ZHX2: variants seen among roughly 807,000 people sequenced by gnomAD.
The protein encoded by ZHX2 is zinc fingers and homeoboxes protein 2.
ZHX2 carries 6 observed loss-of-function variants against 21.9 expected under a neutral mutation model. The observed-to-expected ratio is 0.27, with a 90% CI of 0.15 to 0.54. ZHX2 has a LOEUF of 0.54. ZHX2 is among the 20% of genes least tolerant of loss of function. The pLI is 0.95. For synonymous variants in ZHX2, 434 were observed against 437.1 expected (o/e 0.99, Z 0.09); for missense variants, 908 against 1,090.7 (o/e 0.83, Z 2.36).
At chr8:122,940,389 T>A (rs1216928499) in intron 2 of ZHX2, among the ~76,000 whole-genome samples, 1 of 152,230 alleles carries the variant, frequency 6.6e-6, no homozygotes, top group African/African-American at 2.4e-5. Context: ...CCGGTCTACC[T>A]TCTCAGGCAT....
chr8:122,884,332 A>C (rs2129810474), intron 2 of ZHX2, among the ~76,000 whole-genome samples: 1 of 152,316 alleles, frequency 6.6e-6, no homozygotes, highest in African/African-American at 2.4e-5. Context: ...CTCACTGATA[A>C]AGCTGGGCAC....
intron 2 of ZHX2, among the ~76,000 whole-genome samples, chr8:122,925,271 G>A (rs1820822645): frequency 6.6e-6 from 1 of 152,208 alleles, no homozygotes; most frequent in South Asian, 2.1e-4. Flanking sequence ...GTAGTGTCTT[G>A]TGCAAATTGC....
intron 2 of ZHX2, among the ~76,000 whole-genome samples, chr8:122,922,916 A>C (rs1820772205): frequency 1.3e-5 from 2 of 152,214 alleles, no homozygotes; most frequent in Admixed American, 1.3e-4. Flanking sequence ...CACATTTTCC[A>C]TCTGCCCGGT....
chr8:122,843,400 T>G (rs528590330), intron 1 of ZHX2, among the ~76,000 whole-genome samples: 94 of 152,308 alleles, frequency 6.2e-4, no homozygotes, highest in African/African-American at 2.2e-3. Context: ...GGCTCTATTA[T>G]GGGAATTTCA....
At chr8:122,895,548 CT>C (rs1286310954) in intron 2 of ZHX2, among the ~76,000 whole-genome samples, 2 of 152,144 alleles carry the variant, frequency 1.3e-5, no homozygotes, top group African/African-American at 4.8e-5. Context: ...GCACTTTTTT[CT>C]GCTCTTTTTG....
intron 1 of ZHX2, among the ~76,000 whole-genome samples, chr8:122,787,524 C>A (rs116827648): frequency 6.6e-6 from 1 of 152,136 alleles, no homozygotes; most frequent in Non-Finnish European, 1.5e-5. Context: ...GATGGAATAG[C>A]GGGAAGCCCA....
chr8:122,963,830 A>G (rs1586429918), intron 3 of ZHX2, among the ~76,000 whole-genome samples: 1 of 149,452 alleles, frequency 6.7e-6, no homozygotes, highest in Non-Finnish European at 1.5e-5. Context: ...CCTTGTAGAG[A>G]TCTTTCACTT....
chr8:122,888,033 C>T (rs183830118), intron 2 of ZHX2, among the ~76,000 whole-genome samples: 30 of 152,176 alleles, frequency 2.0e-4, no homozygotes, highest in African/African-American at 6.7e-4. Flanking sequence ...CAGGTTGTTC[C>T]GAGGGTTCCA....
chr8:122,870,759 G>A (rs1185946248), intron 2 of ZHX2, among the ~76,000 whole-genome samples: 9 of 151,616 alleles, frequency 5.9e-5, no homozygotes, highest in African/African-American at 1.2e-4. Context: ...TGGCTGTTCC[G>A]ATGGCCCCAG....
At chr8:122,949,421 T>C (rs1813056212) in intron 2 of ZHX2, among the ~76,000 whole-genome samples, 1 of 152,074 alleles carries the variant, frequency 6.6e-6, no homozygotes, top group African/African-American at 2.4e-5. Context: ...TGCAAATTCA[T>C]AATAAAAACC....
At chr8:122,971,611 CAAAAAA>C (rs56331425) in intron 3 of ZHX2, among the ~76,000 whole-genome samples, 19 of 81,792 alleles carry the variant, frequency 2.3e-4, no homozygotes, top group South Asian at 1.0e-3. Flanking sequence ...GGCCCCTGTA[CAAAAAA>C]AAAAAAAAAA....
intron 1 of ZHX2, among the ~76,000 whole-genome samples, chr8:122,842,434 G>A (rs1184254155): frequency 6.6e-6 from 1 of 152,164 alleles, no homozygotes; most frequent in Non-Finnish European, 1.5e-5. Flanking sequence ...GGCTGGGCTT[G>A]GTGGCTCACG....
chr8:122,829,562 A>G (rs1818328279), intron 1 of ZHX2, among the ~76,000 whole-genome samples: 1 of 152,220 alleles, frequency 6.6e-6, no homozygotes, highest in Admixed American at 6.5e-5. Flanking sequence ...CTCCCACCTC[A>G]TTGTAAGAGT....
At chr8:122,912,102 T>C (rs1228153382) in intron 2 of ZHX2, among the ~76,000 whole-genome samples, 2 of 152,200 alleles carry the variant, frequency 1.3e-5, no homozygotes, top group African/African-American at 4.8e-5. Flanking sequence ...CAAACTGGGT[T>C]CATGAAGATG....
chr8:122,827,308 G>T, intron 1 of ZHX2, among the ~76,000 whole-genome samples: 1 of 152,142 alleles, frequency 6.6e-6, no homozygotes, highest in East Asian at 1.9e-4. Context: ...AAAGTGCTGG[G>T]ATTACAGGTG....
intron 1 of ZHX2, among the ~76,000 whole-genome samples, chr8:122,844,184 A>C (rs189904939): frequency 6.6e-6 from 1 of 152,336 alleles, no homozygotes; most frequent in Non-Finnish European, 1.5e-5. Flanking sequence ...TGGGGTGGCC[A>C]AAGGCCTCCA....
intron 1 of ZHX2, among the ~76,000 whole-genome samples, chr8:122,854,834 TC>T (rs752686934): frequency 1.1e-4 from 16 of 152,128 alleles, no homozygotes; most frequent in Non-Finnish European, 1.8e-4. Flanking sequence ...CACTGTATAG[TC>T]CCCCTGTGGG....
chr8:122,919,064 T>C (rs1820674600), intron 2 of ZHX2, among the ~76,000 whole-genome samples: 1 of 152,154 alleles, frequency 6.6e-6, no homozygotes, highest in South Asian at 2.1e-4. Context: ...TTTTGTAACA[T>C]CTGTTGCTTC....
chr8:122,874,467 G>A (rs1819517535), intron 2 of ZHX2, among the ~76,000 whole-genome samples: 1 of 151,904 alleles, frequency 6.6e-6, no homozygotes, highest in African/African-American at 2.4e-5. Context: ...CTGAGTAACT[G>A]GGATTACAGG....
Sources: allele counts gnomAD v4.1 joint callset (sites outside exome capture counted in the v4.1 genomes callset), GRCh38; gene constraint gnomAD v4.1.1; transcripts MANE v1.5; gene names NCBI Gene and HGNC (gene_info 2026-07-23, HGNC 2026-07-21).